The following PBK variants were observed in gnomAD, a reference collection of about 807,000 sequenced individuals.
PBK encodes PDZ binding kinase.
PBK carries 22 observed loss-of-function variants against 33.5 expected under a neutral mutation model. The observed-to-expected ratio is 0.66, with a 90% CI of 0.47 to 0.94. The LOEUF (loss-of-function observed/expected upper bound fraction) is 0.94. Ranked by LOEUF, PBK falls within the 40% of genes least tolerant of loss-of-function variation. The pLI is 0.00. For missense variants in PBK, 376 were observed against 383.4 expected (o/e 0.98, Z 0.16); for synonymous variants, 129 against 123.8 (o/e 1.04, Z -0.28).
intron 2 of PBK, among the ~76,000 whole-genome samples, chr8:27,829,916 C>G (rs527275307): frequency 2.7e-5 from 4 of 147,468 alleles, no homozygotes; most frequent in African/African-American, 1.0e-4. Context: ...CATAAGATGA[C>G]AGGAGGCCAA....
In PBK at chr8:27,826,765, C is replaced by T. The variant is rs557205248; in HGVS notation, c.152+1340G>A. Among the ~76,000 whole-genome samples, 27 of 102,224 alleles carry T rather than the reference C, an allele frequency of 2.6e-4. 2 individuals carry two copies. The South Asian group carries it at 2.7e-3, about 10-fold the overall frequency. 67.1% of individuals were successfully genotyped at this position (102,224 alleles called of 152,430 possible). A position where few individuals can be genotyped will look rare whatever the true frequency, so the allele number is the denominator to read the frequency against. On this transcript the variant is annotated intron_variant, in intron 3 of 7. Transcript: ENST00000301905. ...GAGCCGAGATCGCGCCACTGCACTC[C>T]AGCCTGGGCGACAGAGCGAGACTCC...
At chr8:27,831,150 T>G (rs1228160649) in intron 2 of PBK, among the ~76,000 whole-genome samples, 1 of 151,964 alleles carries the variant, frequency 6.6e-6, no homozygotes, top group Admixed American at 6.6e-5. Flanking sequence ...GCCAGGAGTT[T>G]GAGACCAGCC....
At chr8:27,818,732 A>G (rs900666362) in intron 6 of PBK, among the ~76,000 whole-genome samples, 1 of 152,052 alleles carries the variant, frequency 6.6e-6, no homozygotes, top group African/African-American at 2.4e-5. Context: ...CCACTGTGAT[A>G]TAGAATTCTT....
intron 3 of PBK, among the ~76,000 whole-genome samples, chr8:27,824,200 G>C (rs1298437556): frequency 1.3e-5 from 2 of 152,130 alleles, no homozygotes; most frequent in African/African-American, 4.8e-5. Flanking sequence ...TGAGGATAAT[G>C]ATGAGCACCT....
At chr8:27,823,285 A>G (rs1474113099) in intron 3 of PBK, 80 bp from the exon 4 acceptor site, 4 of 844,530 alleles carry the variant, frequency 4.7e-6, no homozygotes, top group Non-Finnish European at 7.4e-6. Flanking sequence ...AATTTTTGGG[A>G]AAAAGCTTGA....
chr8:27,823,134 C>T lies in PBK; in HGVS notation c.224G>A (p.Arg75Gln), dbSNP rs1421906620. 1.7e-5 allele frequency: 27 copies of T among 1,560,524 alleles called. No homozygotes were observed. The highest frequency in any genetic ancestry group is 5.6e-5 in the South Asian group (5 of 89,404). ...KINPICNDHYRSVYQKRLMDE... is the reference protein window; with the variant it reads ...KINPICNDHYQSVYQKRLMDE... ...CATTAGTCTCTTTTGATACACACTT[C>T]GATAATGATCATTACATATAGGATT... Residue 75 changes from arginine to glutamine, a missense_variant, in exon 4 of 8, where the codon CGA becomes CAA. Coordinates refer to ENST00000301905, the MANE Select transcript of PBK (RefSeq NM_018492.4).
intron 1 of PBK, among the ~76,000 whole-genome samples, chr8:27,835,708 T>C (rs927930597): frequency 6.6e-5 from 10 of 152,178 alleles, no homozygotes; most frequent in Admixed American, 6.5e-4. Flanking sequence ...TGTGCCACCA[T>C]GCCCGGCTAA....
intron 2 of PBK, among the ~76,000 whole-genome samples, chr8:27,832,028 A>G (rs1806140423): frequency 6.6e-6 from 1 of 152,180 alleles, no homozygotes; most frequent in Admixed American, 6.5e-5. Flanking sequence ...AGAATAACCT[A>G]ATATTAAAAC....
rs755512158 is a variant in PBK, at chr8:27,828,159, G to A, written c.98C>T (p.Pro33Leu). ...STPTINIPAS[P>L]FMQKLGFGTG... ...ACCAAAGCCAAGCTTCTGCATAAAC[G>A]GAGAGGCCGGGATATTTATAGTTGG... Residue 33 changes from proline (P) to leucine (L), a missense_variant, in exon 3 of 8, where the codon CCG becomes CTG. Transcript: ENST00000301905. 1.7e-5 allele frequency: 27 copies of A among 1,581,394 alleles called. No individual in the cohort carries two copies. Among genetic ancestry groups the A allele is most frequent in the East Asian group, 4.5e-5 (2 of 44,734 alleles).
At chr8:27,828,338 A>C in intron 2 of PBK, 140 bp from the exon 3 acceptor site, 1 of 444,166 alleles carries the variant, frequency 2.3e-6, no homozygotes, top group South Asian at 4.9e-5. Flanking sequence ...TCCTAATTTT[A>C]AATGGGTATC....
At chr8:27,829,941 G>A (rs931897421) in intron 2 of PBK, among the ~76,000 whole-genome samples, 5 of 151,794 alleles carry the variant, frequency 3.3e-5, no homozygotes, top group Non-Finnish European at 7.4e-5. Flanking sequence ...GGTGGCTCAC[G>A]CCTGTAATCC....
At position 27,832,017 on chromosome 8, in the gene PBK, C is replaced by T. The variant is rs557813852; in HGVS notation, c.58+1039G>A. 6.2e-4 allele frequency among the ~76,000 whole-genome samples: 94 copies of T among 152,044 alleles called. 1 individual carries two copies. Among genetic ancestry groups the T allele is most frequent in the African/African-American group, 2.2e-3 (93 of 41,474 alleles). On this transcript the variant is annotated intron_variant, in intron 2 of 7. Coordinates refer to ENST00000301905, the MANE Select transcript of PBK (RefSeq NM_018492.4). ...GAAACATTTCTCATCTTTATGAATA[C>T]AGAATAACCTAATATTAAAACTAGA... is the stretch of plus-strand genomic sequence containing the variant.
At chr8:27,829,669 C>T (rs1295171934) in intron 2 of PBK, among the ~76,000 whole-genome samples, 1 of 150,876 alleles carries the variant, frequency 6.6e-6, no homozygotes, top group Non-Finnish European at 1.5e-5. Flanking sequence ...AGTTCGAGAC[C>T]AGCCTGGCCA....
chr8:27,818,384 G>A (rs78749053), intron 6 of PBK, among the ~76,000 whole-genome samples: 378 of 152,322 alleles, frequency 2.5e-3, no homozygotes, highest in Non-Finnish European at 4.3e-3. Context: ...CTATTCTAGA[G>A]TTGAGGATAT....
chr8:27,827,435 T>TGAAA (rs1806046477), intron 3 of PBK, among the ~76,000 whole-genome samples: 1 of 152,178 alleles, frequency 6.6e-6, no homozygotes, highest in Admixed American at 6.5e-5. Flanking sequence ...TAATCCCAGC[T>TGAAA]ATTCAGGAGG....
chr8:27,816,196 T>C (rs11136011), intron 6 of PBK, among the ~76,000 whole-genome samples: 61,322 of 151,560 alleles, frequency 0.4, 12,853 homozygotes, highest in East Asian at 0.62. Flanking sequence ...CAAAAGCTGC[T>C]TTCCATCCTA....
intron 6 of PBK, chr8:27,812,072 T>C (rs971399853): frequency 6.6e-6 from 1 of 152,192 alleles, no homozygotes; most frequent in Non-Finnish European, 1.5e-5. Context: ...CTTCTCCATT[T>C]TCTTGCCTTA....
chr8:27,820,799 G>C (rs1294997156), intron 5 of PBK, 105 bp from the exon 6 acceptor site: 1 of 582,770 alleles, frequency 1.7e-6, no homozygotes, highest in Non-Finnish European at 2.8e-6. Flanking sequence ...TAAACTCTAG[G>C]TTTACATTTG....
At chr8:27,813,740 C>T (rs1408301290) in intron 6 of PBK, among the ~76,000 whole-genome samples, 2 of 152,126 alleles carry the variant, frequency 1.3e-5, no homozygotes, top group African/African-American at 2.4e-5. Flanking sequence ...GGTGACCTAA[C>T]GTACAGCATA....
Sources: gnomAD v4.1 joint callset for allele counts (sites outside exome capture counted in the v4.1 genomes callset) on GRCh38, gnomAD v4.1.1 for gene constraint, MANE v1.5 for transcripts, NCBI Gene and HGNC (gene_info 2026-07-23, HGNC 2026-07-21) for gene names.